The following QTMAN variants were observed in gnomAD, a reference collection of about 807,000 sequenced individuals.
QTMAN encodes tRNA-queuosine alpha-mannosyltransferase.
the QTMAN span, among the ~76,000 whole-genome samples, chr2:144,310,317 T>C: frequency 2.0e-5 from 3 of 152,096 alleles, no homozygotes; most frequent in Non-Finnish European, 4.4e-5. Context: ...AACTGAGGTA[T>C]GAATGAAGGT....
At chr2:144,179,563 C>T in the QTMAN span, among the ~76,000 whole-genome samples, 6 of 152,152 alleles carry the variant, frequency 3.9e-5, no homozygotes, top group African/African-American at 1.4e-4. Flanking sequence ...CCATCCTTCA[C>T]TCTGTGCATT....
At chr2:144,266,224 A>G in the QTMAN span, among the ~76,000 whole-genome samples, 1 of 152,172 alleles carries the variant, frequency 6.6e-6, no homozygotes, top group Non-Finnish European at 1.5e-5. Context: ...AAGATACTAG[A>G]AGGTTAATAA....
chr2:144,049,804 A>G, the QTMAN span, among the ~76,000 whole-genome samples: 1 of 152,188 alleles, frequency 6.6e-6, no homozygotes, highest in Admixed American at 6.5e-5. Context: ...ATCAGAGACC[A>G]ATATTTCTTA....
At chr2:144,295,237 G>A in the QTMAN span, 121 of 152,252 alleles carry the variant, frequency 7.9e-4, no homozygotes, top group African/African-American at 2.7e-3. Flanking sequence ...TCTTCAGATA[G>A]CAGCTAAGGC....
chr2:144,059,893 A>G, the QTMAN span, among the ~76,000 whole-genome samples: 1 of 152,130 alleles, frequency 6.6e-6, no homozygotes, highest in African/African-American at 2.4e-5. Flanking sequence ...AGGTCACCTC[A>G]TCTAGCTACC....
At chr2:144,048,008 C>T in the QTMAN span, among the ~76,000 whole-genome samples, 1 of 152,212 alleles carries the variant, frequency 6.6e-6, no homozygotes, top group Non-Finnish European at 1.5e-5. Flanking sequence ...GGCTAGTGTT[C>T]CAAACCAGAT....
the QTMAN span, among the ~76,000 whole-genome samples, chr2:144,113,082 C>G: frequency 5.7e-4 from 86 of 152,166 alleles, 1 homozygote; most frequent in African/African-American, 2.0e-3. Context: ...ACTCATCATA[C>G]GAAGAACCAC....
the QTMAN span, among the ~76,000 whole-genome samples, chr2:144,156,653 G>C: frequency 6.6e-6 from 1 of 151,926 alleles, no homozygotes; most frequent in Non-Finnish European, 1.5e-5. Context: ...TAAAAATTCT[G>C]TACACAGCTA....
the QTMAN span, among the ~76,000 whole-genome samples, chr2:144,312,801 T>C: frequency 6.6e-6 from 1 of 152,142 alleles, no homozygotes; most frequent in Non-Finnish European, 1.5e-5. Context: ...GTTTGGCAAG[T>C]TCCTCCTTCA....
chr2:144,212,400 T>C, the QTMAN span, among the ~76,000 whole-genome samples: 3 of 152,108 alleles, frequency 2.0e-5, no homozygotes, highest in Admixed American at 1.3e-4. Context: ...AGGCAGAGGT[T>C]GCAGTGAGCC....
chr2:144,320,036 T>C, the QTMAN span, among the ~76,000 whole-genome samples: 1 of 152,250 alleles, frequency 6.6e-6, no homozygotes, highest in African/African-American at 2.4e-5. Context: ...TGTATATCTA[T>C]GATCTAAGAA....
the QTMAN span, among the ~76,000 whole-genome samples, chr2:144,171,354 T>C: frequency 6.6e-6 from 1 of 152,196 alleles, no homozygotes; most frequent in East Asian, 1.9e-4. Flanking sequence ...CATTATATAC[T>C]GTGTAAAGAG....
At chr2:144,123,929 T>G in the QTMAN span, among the ~76,000 whole-genome samples, 1 of 152,138 alleles carries the variant, frequency 6.6e-6, no homozygotes, top group Non-Finnish European at 1.5e-5. Flanking sequence ...TAAAGTAATT[T>G]ACAGATTACT....
At chr2:143,992,798 T>C in the QTMAN span, among the ~76,000 whole-genome samples, 1 of 152,246 alleles carries the variant, frequency 6.6e-6, no homozygotes. Flanking sequence ...GATATGTGGG[T>C]AAGTTTGTAT....
At chr2:144,080,028 CA>C in the QTMAN span, among the ~76,000 whole-genome samples, 11 of 152,032 alleles carry the variant, frequency 7.2e-5, no homozygotes, top group Non-Finnish European at 1.5e-4. Flanking sequence ...TTTATGATGT[CA>C]TTCTTACATT....
At chr2:144,014,094 A>G in the QTMAN span, among the ~76,000 whole-genome samples, 1 of 152,212 alleles carries the variant, frequency 6.6e-6, no homozygotes, top group Non-Finnish European at 1.5e-5. Flanking sequence ...GGAGACCACA[A>G]CATTAAACAG....
the QTMAN span, among the ~76,000 whole-genome samples, chr2:143,954,077 T>C: frequency 6.6e-6 from 1 of 151,940 alleles, no homozygotes; most frequent in Non-Finnish European, 1.5e-5. Context: ...AATTATTAAT[T>C]TCAGAATGCA....
the QTMAN span, among the ~76,000 whole-genome samples, chr2:144,177,686 C>T: frequency 6.6e-6 from 1 of 152,034 alleles, no homozygotes; most frequent in African/African-American, 2.4e-5. Flanking sequence ...CAAAGAAGTA[C>T]TAAAAGGATT....
the QTMAN span, among the ~76,000 whole-genome samples, chr2:144,318,194 A>AACACACACACACAC: frequency 8.1e-3 from 1,151 of 141,994 alleles, 8 homozygotes; most frequent in African/African-American, 0.028. Flanking sequence ...TATTTAAATA[A>AACACACACACACAC]ACACACACAC....
Sources: gnomAD v4.1 joint callset for allele counts (sites outside exome capture counted in the v4.1 genomes callset) on GRCh38, gnomAD v4.1.1 for gene constraint, MANE v1.5 for transcripts, NCBI Gene and HGNC (gene_info 2026-07-23, HGNC 2026-07-21) for gene names.